PDILT: variants seen among roughly 807,000 people sequenced by gnomAD.
The protein encoded by PDILT is protein disulfide-isomerase-like protein of the testis.
PDILT carries 43 observed loss-of-function variants against 53.7 expected under a neutral mutation model. The observed-to-expected ratio is 0.80, with a 90% CI of 0.63 to 1.03. The LOEUF (loss-of-function observed/expected upper bound fraction) is 1.03. Ranked by LOEUF, PDILT falls within the 50% of genes least tolerant of loss-of-function variation. PDILT has a pLI of 0.00. For synonymous variants in PDILT, 282 were observed against 274.2 expected (o/e 1.03, Z -0.28); for missense variants, 727 against 712.3 (o/e 1.02, Z -0.24).
chr16:20,374,880 A>G lies in PDILT; in HGVS notation c.623T>C (p.Ile208Thr). 6.2e-7 allele frequency: 1 copy of G among 1,614,158 alleles called. No individual in the cohort carries two copies. Among genetic ancestry groups the G allele is most frequent in the South Asian group, 1.1e-5 (1 of 91,062 alleles). Reference protein sequence around the residue: ...FPELTFGVITIGNVIGRFHVT... With the variant: ...FPELTFGVITTGNVIGRFHVT... ...GTGGAAACGCCCAATGACATTGCCAATCGTTATGACTCCAAACGTTAGCTC... is the reference window on the plus strand; with the variant it reads ...GTGGAAACGCCCAATGACATTGCCAGTCGTTATGACTCCAAACGTTAGCTC... Residue 208 changes from isoleucine (I) to threonine (T), a missense_variant, in exon 5 of 12, where the codon ATT becomes ACT. Ile to Thr is a moderately conservative substitution (Grantham distance 89). Transcript: ENST00000302451.
intron 3 of PDILT, among the ~76,000 whole-genome samples, chr16:20,380,468 CTGAGA>C (rs1331141374): frequency 2.0e-5 from 3 of 152,092 alleles, no homozygotes; most frequent in Non-Finnish European, 4.4e-5. Flanking sequence ...TCCGGAGTAG[CTGAGA>C]TTACAGGTGC....
chr16:20,368,100 G>C (rs1378214563), intron 8 of PDILT, among the ~76,000 whole-genome samples: 1 of 152,192 alleles, frequency 6.6e-6, no homozygotes, highest in East Asian at 1.9e-4. Context: ...GTGTGTCCTG[G>C]AGGGAAAAAT....
intron 9 of PDILT, among the ~76,000 whole-genome samples, chr16:20,363,001 G>A (rs1966128412): frequency 6.8e-6 from 1 of 146,586 alleles, no homozygotes. Context: ...GAACCCGGGA[G>A]GTGGAGGTTG....
chr16:20,396,342 A>C (rs907441879), intron 2 of PDILT, among the ~76,000 whole-genome samples: 7 of 152,246 alleles, frequency 4.6e-5, no homozygotes, highest in Admixed American at 3.3e-4. Flanking sequence ...AAGAACCAAG[A>C]TGCATGAATG....
chr16:20,381,865 A>G lies in PDILT; in HGVS notation c.409+2780T>C, dbSNP rs771917522. Among the ~76,000 whole-genome samples the G allele has an allele frequency of 3.7e-4, 57 of 152,236 alleles. 1 individual carries two copies. Among genetic ancestry groups the G allele is most frequent in the South Asian group, 3.7e-3 (18 of 4,820 alleles). On this transcript the variant is annotated intron_variant, in intron 3 of 11. Transcript: ENST00000302451. ...TGCCCACCTGCAGTGGGTGCTTCCA[A>G]TTCCATTGTATTCAAAATCTAAAAC...
intron 9 of PDILT, 28 bp downstream of exon 9, chr16:20,365,392 C>T: frequency 6.2e-7 from 1 of 1,611,664 alleles, no homozygotes; most frequent in Non-Finnish European, 8.5e-7. Context: ...GCACCCGTTG[C>T]CTCAGAACCC....
chr16:20,399,830 A>G (rs1409207457), intron 1 of PDILT, among the ~76,000 whole-genome samples: 5 of 151,900 alleles, frequency 3.3e-5, no homozygotes, highest in Non-Finnish European at 7.4e-5. Flanking sequence ...AAGTGTAAAT[A>G]TTTAAAAAGT....
intron 3 of PDILT, among the ~76,000 whole-genome samples, chr16:20,377,492 A>G (rs1966403809): frequency 6.6e-6 from 1 of 152,188 alleles, no homozygotes. Flanking sequence ...CACAGCTCTC[A>G]TTCTGTCGAG....
At chr16:20,378,309 C>A (rs1966415580) in intron 3 of PDILT, among the ~76,000 whole-genome samples, 1 of 152,174 alleles carries the variant, frequency 6.6e-6, no homozygotes, top group Non-Finnish European at 1.5e-5. Context: ...TCACCAGATC[C>A]TCAGCAGTCC....
intron 3 of PDILT, among the ~76,000 whole-genome samples, chr16:20,377,193 CAGA>C (rs1030962238): frequency 1.3e-5 from 2 of 152,080 alleles, no homozygotes; most frequent in Non-Finnish European, 2.9e-5. Flanking sequence ...GAGGCTGAGG[CAGA>C]AGGATTGCTT....
intron 2 of PDILT, chr16:20,390,532 AT>A (rs1183974633): frequency 6.6e-6 from 1 of 151,858 alleles, no homozygotes; most frequent in Non-Finnish European, 1.5e-5. Flanking sequence ...ACTCTTGTGT[AT>A]TTTTCTCCAT....
rs1966180815 is a variant in PDILT at position 20,365,666 on chromosome 16, G to T, written c.1117-126C>A. On this transcript the variant is annotated intron_variant, in intron 8 of 11. Transcript: ENST00000302451. The stretch of plus-strand genomic sequence containing the variant: ...TTTTTCACAAGAGCCTTAGGAAAGG[G>T]TTTGAAATACTGAGATGGATCATGA... The T allele has an allele frequency of 7.4e-6, 9 of 1,224,168 alleles. No homozygotes were observed. The African/African-American group carries it at 9.1e-5, about 12-fold the overall frequency. The allele number at this position is 1,224,168 out of a possible 1,614,324, so 75.8% of individuals were successfully genotyped here. A position where few individuals can be genotyped will look rare whatever the true frequency, so the allele number is the denominator to read the frequency against.
chr16:20,372,021 G>C (rs939997173), intron 7 of PDILT, among the ~76,000 whole-genome samples: 2 of 151,668 alleles, frequency 1.3e-5, no homozygotes, highest in Non-Finnish European at 2.9e-5. Context: ...TTTTTTAAAA[G>C]AGAAAAAAAA....
In PDILT at chr16:20,369,662, C is replaced by T. The variant is rs373943417; in HGVS notation, c.946G>A (p.Glu316Lys). Residue 316 changes from glutamate to lysine, a missense_variant, in exon 8 of 12, where the codon GAA becomes AAA. Coordinates refer to ENST00000302451, the MANE Select transcript of PDILT (RefSeq NM_174924.2). ...TTGAAGACACGTCCATTTCTGGGTT[C>T]GTCTGCATCCACAAGGATGAAAAGG... ...KILFILVDADEPRNGRVFKYF... is the reference protein window; with the variant it reads ...KILFILVDADKPRNGRVFKYF... 8.3e-5 allele frequency: 134 copies of T among 1,614,142 alleles called. No individual in the cohort carries two copies. Among genetic ancestry groups the T allele is most frequent in the Middle Eastern group, 5.0e-4 (3 of 6,054 alleles).
chr16:20,360,970 T>C (rs759382928), intron 10 of PDILT, among the ~76,000 whole-genome samples: 2 of 152,200 alleles, frequency 1.3e-5, no homozygotes, highest in Admixed American at 6.5e-5. Flanking sequence ...CTATCTCTAA[T>C]ATGGAGACAA....
chr16:20,368,603 G>T (rs960383044), intron 8 of PDILT, among the ~76,000 whole-genome samples: 18 of 109,632 alleles, frequency 1.6e-4, no homozygotes, highest in African/African-American at 5.0e-4. Context: ...ACTTTTTTTG[G>T]GGGGGTGGTG....
chr16:20,393,734 G>T (rs1035134142), intron 2 of PDILT, among the ~76,000 whole-genome samples: 1 of 152,190 alleles, frequency 6.6e-6, no homozygotes, highest in Non-Finnish European at 1.5e-5. Flanking sequence ...AATGTCATGG[G>T]GGTAAAGCAG....
intron 2 of PDILT, among the ~76,000 whole-genome samples, chr16:20,394,198 C>T (rs1289474387): frequency 1.3e-5 from 2 of 152,092 alleles, no homozygotes; most frequent in African/African-American, 2.4e-5. Context: ...AACAGCTGTC[C>T]CTTGAAAGTT....
At chr16:20,390,193 CT>C (rs1966591469) in intron 2 of PDILT, among the ~76,000 whole-genome samples, 1 of 152,156 alleles carries the variant, frequency 6.6e-6, no homozygotes, top group Non-Finnish European at 1.5e-5. Flanking sequence ...TGTCATCAAT[CT>C]CTTCTTGTTT....
Sources: gnomAD v4.1 joint callset for allele counts (sites outside exome capture counted in the v4.1 genomes callset) on GRCh38, gnomAD v4.1.1 for gene constraint, MANE v1.5 for transcripts, NCBI Gene and HGNC (gene_info 2026-07-23, HGNC 2026-07-21) for gene names.